The following BPNT2 variants were observed in gnomAD, a reference collection of about 807,000 sequenced individuals.
BPNT2 encodes the protein 3'(2'), 5'-bisphosphate nucleotidase 2.
A neutral mutation model predicts 29.3 loss-of-function variants in BPNT2; 11 were observed. The observed-to-expected ratio is 0.38, with a 90% CI of 0.24 to 0.62. BPNT2 has a LOEUF of 0.62. Among genes scored for constraint, BPNT2 ranks in the 20% least tolerant of loss-of-function variants. The pLI is 0.62. For synonymous variants in BPNT2, 195 were observed against 187.7 expected (o/e 1.04, Z -0.32); for missense variants, 459 against 473.4 (o/e 0.97, Z 0.28).
chr8:56,971,818 T>C (rs1246013883), intron 3 of BPNT2, among the ~76,000 whole-genome samples: 1 of 125,452 alleles, frequency 8.0e-6, no homozygotes, highest in African/African-American at 2.9e-5. Context: ...TGGGCCCAAG[T>C]GTCATGAGCA....
Position 56,993,363 on chromosome 8 carries a change from C to G in BPNT2, c.223G>C (p.Val75Leu). Reference sequence around the variant, plus strand: ...CGCCTCACCTCGTCGCCGCCGCGGACTGCGGCCAGCACTGACACAGCCAGC... The same window carrying G: ...CGCCTCACCTCGTCGCCGCCGCGGAGTGCGGCCAGCACTGACACAGCCAGC... ...EMLAVSVLAA[V>L]RGGDEVRRVR... Residue 75 changes from valine (V) to leucine (L), a missense_variant, in exon 1 of 5, where the codon GTC becomes CTC. By Grantham distance (32) the Val-to-Leu change is conservative. Coordinates refer to ENST00000262644, the MANE Select transcript of BPNT2 (RefSeq NM_017813.5). 3 of 1,610,138 alleles carry G rather than the reference C, an allele frequency of 1.9e-6. No homozygotes were observed. The highest frequency in any genetic ancestry group is 1.7e-6 in the Non-Finnish European group (2 of 1,179,840).
intron 3 of BPNT2, 35 bp from the exon 4 acceptor site, chr8:56,966,387 G>A (rs1334027043): frequency 4.4e-6 from 7 of 1,586,636 alleles, no homozygotes; most frequent in Non-Finnish European, 5.2e-6. Context: ...TAATGGCACT[G>A]AAGCTTTAAA....
intron 1 of BPNT2, among the ~76,000 whole-genome samples, chr8:56,983,342 C>G (rs1279900131): frequency 6.6e-6 from 1 of 152,144 alleles, no homozygotes; most frequent in Non-Finnish European, 1.5e-5. Context: ...TGGCAGGCAT[C>G]TAGAAGTGCA....
chr8:56,963,898 G>A lies in BPNT2; in HGVS notation c.975C>T (p.Tyr325=), dbSNP rs752543382. 94 of 1,614,024 alleles carry A rather than the reference G, an allele frequency of 5.8e-5. No individual in the cohort carries two copies. The highest frequency in any genetic ancestry group is 9.9e-5 in the South Asian group (9 of 91,084). The change falls in exon 5 of 5, where the codon TAC becomes TAT. Residue 325 remains tyrosine, a synonymous_variant. Transcript: ENST00000262644. ...MTTLSGEEIS[Y]TGSDGIEGGL... ...CCCCTTCAATGCCGTCTGAACCAGT[G>A]TAACTGATTTCTTCACCACTCAGGG...
chr8:56,978,411 T>C (rs966192321), intron 2 of BPNT2, among the ~76,000 whole-genome samples: 4 of 151,844 alleles, frequency 2.6e-5, no homozygotes, highest in Non-Finnish European at 4.4e-5. Flanking sequence ...GCAAGTGAGG[T>C]TGTGGAAAAA....
chr8:56,961,522 A>G lies in BPNT2; in HGVS notation c.*2271T>C, dbSNP rs2129202906. On this transcript the variant is annotated 3_prime_UTR_variant, in exon 5 of 5. Transcript: ENST00000262644. ...ACCAATACCTTAAGTTTTGCACACA[A>G]CACACACCCTTCACAAAGTCATTAT... 1 of 152,314 alleles carries G rather than the reference A, an allele frequency of 6.6e-6. No homozygotes were observed. The highest frequency in any genetic ancestry group is 1.5e-5 in the Non-Finnish European group (1 of 68,034). The allele number at this position is 152,314 out of a possible 1,614,324, so 9.4% of individuals were successfully genotyped here.
chr8:56,980,316 A>G (rs181563579), intron 1 of BPNT2, 119 bp from the exon 2 acceptor site: 1 of 787,700 alleles, frequency 1.3e-6, no homozygotes, highest in East Asian at 2.7e-5. Flanking sequence ...CCCTATTTTT[A>G]TTTCTTTTGA....
chr8:56,967,208 C>T (rs1335325699), intron 3 of BPNT2: 1 of 456,268 alleles, frequency 2.2e-6, no homozygotes, highest in African/African-American at 2.0e-5. Flanking sequence ...GCATCACCAG[C>T]TTATTTCTGG....
chr8:56,968,113 A>G (rs1289703339), intron 3 of BPNT2, among the ~76,000 whole-genome samples: 1 of 152,204 alleles, frequency 6.6e-6, no homozygotes, highest in Admixed American at 6.5e-5. Context: ...ATTAAAAATA[A>G]TAAGCAACAA....
chr8:56,962,231 T>C lies in BPNT2; in HGVS notation c.*1562A>G, dbSNP rs1184539939. 6.6e-6 allele frequency: 1 copy of C among 152,182 alleles called. No homozygotes were observed. Among genetic ancestry groups the C allele is most frequent in the Non-Finnish European group, 1.5e-5 (1 of 68,028 alleles). 9.4% of individuals were successfully genotyped at this position (152,182 alleles called of 1,614,324 possible). On this transcript the variant is annotated 3_prime_UTR_variant, in exon 5 of 5. Transcript: ENST00000262644. ...GTTGCAAGAGATTGGGTGAAAACAT[T>C]TGTGTCATATTAGATTCAGTTTACT...
In BPNT2 at chr8:56,960,419, G is replaced by A. The variant is rs1275705196; in HGVS notation, c.*3374C>T. 1 of 152,084 alleles carries A rather than the reference G, an allele frequency of 6.6e-6. No homozygotes were observed. Among genetic ancestry groups the A allele is most frequent in the Non-Finnish European group, 1.5e-5 (1 of 68,028 alleles). The allele number at this position is 152,084 out of a possible 1,614,324, so 9.4% of individuals were successfully genotyped here. Reference sequence around the variant, plus strand: ...TCCTAGCCACCACCCCTCTCCCTCTGACACAGTTCACAAAATATTCAAAGG... The same window carrying A: ...TCCTAGCCACCACCCCTCTCCCTCTAACACAGTTCACAAAATATTCAAAGG... On this transcript the variant is annotated 3_prime_UTR_variant, in exon 5 of 5. Transcript: ENST00000262644.
intron 3 of BPNT2, among the ~76,000 whole-genome samples, chr8:56,975,271 C>T (rs1806113498): frequency 6.6e-6 from 1 of 152,070 alleles, no homozygotes; most frequent in African/African-American, 2.4e-5. Context: ...TATTATGGAG[C>T]CACTAAAGCA....
intron 3 of BPNT2, among the ~76,000 whole-genome samples, chr8:56,970,620 G>A (rs929694683): frequency 1.3e-5 from 2 of 152,108 alleles, no homozygotes; most frequent in African/African-American, 4.8e-5. Context: ...TCGGGGAAAT[G>A]TAAATATTTG....
rs917888684 is a variant in BPNT2 at position 56,958,705 on chromosome 8, T to C, written c.*5088A>G. The C allele has an allele frequency of 5.9e-5, 9 of 152,222 alleles. No homozygotes were observed. Among genetic ancestry groups the C allele is most frequent in the African/African-American group, 2.2e-4 (9 of 41,458 alleles). The allele number at this position is 152,222 out of a possible 1,614,324, so 9.4% of individuals were successfully genotyped here. A position where few individuals can be genotyped will look rare whatever the true frequency, so the allele number is the denominator to read the frequency against. On this transcript the variant is annotated 3_prime_UTR_variant, in exon 5 of 5. Transcript: ENST00000262644. ...CCCTTGTGCATATACATCTAGTTCC[T>C]GAAGTCCACACTGCCAAAAGGGAAA...
At chr8:56,981,742 C>T (rs926498204) in intron 1 of BPNT2, among the ~76,000 whole-genome samples, 3 of 152,108 alleles carry the variant, frequency 2.0e-5, no homozygotes, top group Non-Finnish European at 2.9e-5. Context: ...ATCACATCAT[C>T]ATACACACAC....
Position 56,962,826 on chromosome 8 carries a change from AAAAC to A in BPNT2, c.*963_*966del, listed in dbSNP as rs879483892. ...ACCTAGCAAATTAAAAAAAAATACTAAAACAAAGTGTCTGAAGATAATGAAAGGC... is the reference window on the plus strand; with the variant it reads ...ACCTAGCAAATTAAAAAAAAATACTAAAAGTGTCTGAAGATAATGAAAGGC... On this transcript the variant is annotated 3_prime_UTR_variant, in exon 5 of 5. Coordinates refer to ENST00000262644, the MANE Select transcript of BPNT2 (RefSeq NM_017813.5). 1 of 152,210 alleles carries A rather than the reference AAAAC, an allele frequency of 6.6e-6. No individual in the cohort carries two copies. Among genetic ancestry groups the A allele is most frequent in the Non-Finnish European group, 1.5e-5 (1 of 68,024 alleles). 9.4% of individuals were successfully genotyped at this position (152,210 alleles called of 1,614,324 possible). A position where few individuals can be genotyped will look rare whatever the true frequency, so the allele number is the denominator to read the frequency against.
At chr8:56,975,127 CTCTT>C in intron 3 of BPNT2, among the ~76,000 whole-genome samples, 1 of 152,146 alleles carries the variant, frequency 6.6e-6, no homozygotes, top group African/African-American at 2.4e-5. Flanking sequence ...CCTTTTGTCT[CTCTT>C]CTTTCTCCTT....
intron 1 of BPNT2, among the ~76,000 whole-genome samples, chr8:56,982,041 C>T (rs1285689388): frequency 1.3e-5 from 2 of 152,112 alleles, no homozygotes; most frequent in Non-Finnish European, 2.9e-5. Flanking sequence ...CCAGAAGGTA[C>T]CCTGAAACAC....
intron 4 of BPNT2, among the ~76,000 whole-genome samples, chr8:56,964,701 C>T (rs1239499085): frequency 6.6e-6 from 1 of 152,190 alleles, no homozygotes; most frequent in Non-Finnish European, 1.5e-5. Flanking sequence ...TGGAATGACA[C>T]ATTCATTACG....
Sources: allele counts gnomAD v4.1 joint callset (sites outside exome capture counted in the v4.1 genomes callset), GRCh38; gene constraint gnomAD v4.1.1; transcripts MANE v1.5; gene names NCBI Gene and HGNC (gene_info 2026-07-23, HGNC 2026-07-21).